SPPL3: variants seen among roughly 807,000 people sequenced by gnomAD.
SPPL3 encodes the protein signal peptide peptidase-like 3.
A neutral mutation model predicts 42.4 loss-of-function variants in SPPL3; 5 were observed. The observed-to-expected ratio is 0.12, with a 90% confidence interval of 0.06 to 0.25. The LOEUF (loss-of-function observed/expected upper bound fraction) is 0.25, where lower values mean the gene tolerates loss of function less well. Among genes scored for constraint, SPPL3 ranks in the 10% least tolerant of loss-of-function variants. The pLI is 1.00. For synonymous variants in SPPL3, 195 were observed against 181.8 expected, an observed-to-expected ratio of 1.07 and a Z score of -0.58; for missense variants, 235 against 489.0, an observed-to-expected ratio of 0.48 and a Z score of 4.90.
At chr12:120,813,933 G>A (rs761703476) in intron 1 of SPPL3, among the ~76,000 whole-genome samples, 18 of 152,162 alleles carry the variant, frequency 1.2e-4, no homozygotes, top group Non-Finnish European at 1.8e-4. Context: ...CCAAGGAGCT[G>A]TGATCCACTT....
chr12:120,815,718 T>TTTTTA (rs963272665), intron 1 of SPPL3, among the ~76,000 whole-genome samples: 9 of 152,068 alleles, frequency 5.9e-5, no homozygotes, highest in East Asian at 1.9e-4. Context: ...AAGTCTGGAA[T>TTTTTA]TTTTATTTTA....
At chr12:120,806,771 C>T (rs1014429491) in intron 2 of SPPL3, among the ~76,000 whole-genome samples, 3 of 151,150 alleles carry the variant, frequency 2.0e-5, no homozygotes, top group Non-Finnish European at 4.4e-5. Flanking sequence ...GGCGTGAAGC[C>T]GGGAGGCAGA....
At chr12:120,777,140 G>GA (rs1231441946) in intron 6 of SPPL3, among the ~76,000 whole-genome samples, 1 of 152,132 alleles carries the variant, frequency 6.6e-6, no homozygotes, top group Non-Finnish European at 1.5e-5. Flanking sequence ...TACATGCACT[G>GA]AAAAAATCTG....
chr12:120,865,140 C>T (rs1872721698), intron 1 of SPPL3, among the ~76,000 whole-genome samples: 1 of 152,188 alleles, frequency 6.6e-6, no homozygotes, highest in Non-Finnish European at 1.5e-5. Context: ...TCTAGAGAAA[C>T]ATCAACAGTT....
At chr12:120,898,057 A>C (rs1316199923) in intron 1 of SPPL3, among the ~76,000 whole-genome samples, 1 of 152,138 alleles carries the variant, frequency 6.6e-6, no homozygotes, top group Admixed American at 6.6e-5. Context: ...CATGCCTATA[A>C]TACCAGCACT....
chr12:120,822,448 T>C lies in SPPL3; in HGVS notation c.24-11562A>G, dbSNP rs530137111. Among the ~76,000 whole-genome samples, 15 of 152,188 alleles carry C rather than the reference T, an allele frequency of 9.9e-5. No homozygotes were observed. In the South Asian group the frequency reaches 2.7e-3, roughly 27 times the overall value. On this transcript the variant is annotated intron_variant, in intron 1 of 10. Transcript: ENST00000353487. ...CGAAGTCTTAAAAGCATCCCTACAA[T>C]TCCAAAATCTAACTTCAAGAAGAAA...
Position 120,842,425 on chromosome 12 carries a change from T to C in SPPL3, c.24-31539A>G, listed in dbSNP as rs548433724. On this transcript the variant is annotated intron_variant, in intron 1 of 10. Coordinates refer to ENST00000353487, the MANE Select transcript of SPPL3 (RefSeq NM_139015.5). ...AGTTTACTCATAGGTTATAAAATGT[T>C]CCCCAAAAACATGGTCCTGAAGAAA... Among the ~76,000 whole-genome samples the C allele has an allele frequency of 3.3e-5, 5 of 152,214 alleles. No individual in the cohort carries two copies. The East Asian group carries it at 9.6e-4, about 29-fold the overall frequency.
At chr12:120,784,646 C>T (rs930338270) in intron 3 of SPPL3, 53 bp from the exon 4 acceptor site, 12 of 1,461,048 alleles carry the variant, frequency 8.2e-6, no homozygotes, top group Non-Finnish European at 1.1e-5. Context: ...AGGCACTGTG[C>T]CTATGCACTT....
chr12:120,785,990 T>C (rs7960336), intron 3 of SPPL3, among the ~76,000 whole-genome samples: 31 of 149,416 alleles, frequency 2.1e-4, no homozygotes, highest in African/African-American at 6.6e-4. Flanking sequence ...AGGATAAACA[T>C]AGCAAGACAC....
Position 120,845,063 on chromosome 12 carries a change from A to G in SPPL3, c.24-34177T>C, listed in dbSNP as rs1204783666. 1.0e-5 allele frequency: 3 copies of G among 288,462 alleles called. 1 individual carries two copies. In the South Asian group the frequency reaches 1.2e-4, roughly 12 times the overall value. 17.9% of individuals were successfully genotyped at this position (288,462 alleles called of 1,614,324 possible). A position where few individuals can be genotyped will look rare whatever the true frequency, so the allele number is the denominator to read the frequency against. On this transcript the variant is annotated intron_variant, in intron 1 of 10. Coordinates refer to ENST00000353487, the MANE Select transcript of SPPL3 (RefSeq NM_139015.5). ...ACACTGGAGCCAAGTGTTTGCCACG[A>G]GAGTAAAGCAGAGGGCAAGAGGAGT...
At chr12:120,823,221 G>GA (rs1871124162) in intron 1 of SPPL3, among the ~76,000 whole-genome samples, 1 of 86,256 alleles carries the variant, frequency 1.2e-5, no homozygotes, top group Non-Finnish European at 2.9e-5. Flanking sequence ...GGGGTGGGGG[G>GA]TGGGGGGGCG....
At chr12:120,777,306 C>T (rs977692059) in intron 6 of SPPL3, among the ~76,000 whole-genome samples, 1 of 152,168 alleles carries the variant, frequency 6.6e-6, no homozygotes, top group Non-Finnish European at 1.5e-5. Context: ...TTGATTTGGA[C>T]TAAAATTTAT....
intron 6 of SPPL3, among the ~76,000 whole-genome samples, chr12:120,771,667 T>C (rs1023027377): frequency 1.3e-5 from 2 of 152,094 alleles, no homozygotes; most frequent in African/African-American, 2.4e-5. Context: ...GCAGGGCCTC[T>C]CCCCTCCTTC....
chr12:120,806,862 A>AAAGT, intron 2 of SPPL3, among the ~76,000 whole-genome samples: 1 of 150,490 alleles, frequency 6.6e-6, no homozygotes, highest in Non-Finnish European at 1.5e-5. Context: ...AAAAAGAAAG[A>AAAGT]AAGAAAGAAA....
At chr12:120,768,709 G>T in intron 7 of SPPL3, 2 of 647,968 alleles carry the variant, frequency 3.1e-6, no homozygotes, top group Non-Finnish European at 5.2e-6. Flanking sequence ...CCCCACTGCA[G>T]CGAATCTTGT....
chr12:120,841,030 T>TA (rs1046568293), intron 1 of SPPL3, among the ~76,000 whole-genome samples: 2 of 151,738 alleles, frequency 1.3e-5, no homozygotes, highest in Admixed American at 6.6e-5. Flanking sequence ...AAAAACTTAC[T>TA]AAAAAAAGAA....
At chr12:120,881,018 A>G (rs1873261746) in intron 1 of SPPL3, among the ~76,000 whole-genome samples, 1 of 152,032 alleles carries the variant, frequency 6.6e-6, no homozygotes, top group African/African-American at 2.4e-5. Flanking sequence ...ATACCACTTC[A>G]TACCCATTAG....
intron 6 of SPPL3, chr12:120,769,512 C>T (rs753442761): frequency 1.5e-4 from 24 of 157,646 alleles, no homozygotes; most frequent in Non-Finnish European, 2.8e-4. Flanking sequence ...ATTACATTCC[C>T]ACTTTTCAGA....
intron 1 of SPPL3, among the ~76,000 whole-genome samples, chr12:120,820,932 A>G (rs537836355): frequency 1.3e-5 from 2 of 152,270 alleles, no homozygotes; most frequent in South Asian, 4.1e-4. Context: ...ACCTCCACAA[A>G]AATATCAAAA....
Sources: gnomAD v4.1 joint callset for allele counts (sites outside exome capture counted in the v4.1 genomes callset) on GRCh38, gnomAD v4.1.1 for gene constraint, MANE v1.5 for transcripts, NCBI Gene and HGNC (gene_info 2026-07-23, HGNC 2026-07-21) for gene names.